The following LMX1B variants were observed in gnomAD, a reference collection of about 807,000 sequenced individuals.
The protein encoded by LMX1B is LIM homeobox transcription factor 1-beta.
In LMX1B, 12 loss-of-function variants were observed where a neutral mutation model predicts 51.4. The observed-to-expected ratio is 0.23, with a 90% CI of 0.15 to 0.38. The LOEUF (loss-of-function observed/expected upper bound fraction) is 0.38. LMX1B is among the 10% of genes least tolerant of loss of function. The probability of loss-of-function intolerance (pLI) is 1.00; values close to 1 mark genes in which losing one functional copy is unlikely to be tolerated. For missense variants in LMX1B, 445 were observed against 571.1 expected, an observed-to-expected ratio of 0.78 and a Z score of 2.25; for synonymous variants, 237 against 235.4, an observed-to-expected ratio of 1.01 and a Z score of -0.06.
At chr9:126,686,279 CAAAA>C (rs5900718) in intron 2 of LMX1B, among the ~76,000 whole-genome samples, 15 of 93,880 alleles carry the variant, frequency 1.6e-4, no homozygotes, top group East Asian at 5.7e-4. Flanking sequence ...GACTCCATCT[CAAAA>C]AAAAAAAAAA....
At chr9:126,630,652 C>T (rs569894648) in intron 2 of LMX1B, among the ~76,000 whole-genome samples, 1 of 152,350 alleles carries the variant, frequency 6.6e-6, no homozygotes, top group African/African-American at 2.4e-5. Flanking sequence ...TCATCATCTT[C>T]GTCCTCAGTG....
rs530967362 is a variant in LMX1B, at chr9:126,690,508, C to G, written c.327-328C>G. Among the ~76,000 whole-genome samples, 4 of 152,346 alleles carry G rather than the reference C, an allele frequency of 2.6e-5. No homozygotes were observed. The East Asian group carries it at 5.8e-4, about 22-fold the overall frequency. ...GGATCCTTTCCAGCCAGGGGCTGAC[C>G]TGGCCCCCAAGGAAAGTTTGAGTGG... On this transcript the variant is annotated intron_variant, in intron 2 of 7. Coordinates refer to ENST00000373474, the MANE Select transcript of LMX1B (RefSeq NM_001174147.2).
chr9:126,640,439 C>G (rs984225034), intron 2 of LMX1B, among the ~76,000 whole-genome samples: 2 of 152,206 alleles, frequency 1.3e-5, no homozygotes, highest in Non-Finnish European at 1.5e-5. Flanking sequence ...GTTTTTGTGA[C>G]CTGTATCTGA....
chr9:126,691,784 G>A (rs1395145978), intron 3 of LMX1B, among the ~76,000 whole-genome samples: 1 of 152,172 alleles, frequency 6.6e-6, no homozygotes, highest in African/African-American at 2.4e-5. Context: ...AAACAGCCTC[G>A]AGCCAGCCTC....
At chr9:126,661,615 G>A (rs577937579) in intron 2 of LMX1B, among the ~76,000 whole-genome samples, 1 of 152,174 alleles carries the variant, frequency 6.6e-6, no homozygotes, top group East Asian at 1.9e-4. Context: ...CCCCAGCTCA[G>A]CTGGGCCACC....
intron 3 of LMX1B, 92 bp downstream of exon 3, chr9:126,691,160 G>A (rs2118987633): frequency 1.1e-6 from 1 of 923,484 alleles, no homozygotes; most frequent in African/African-American, 1.6e-5. Context: ...GCCACCTCCT[G>A]CTTCCAGGAC....
chr9:126,645,760 G>A lies in LMX1B; in HGVS notation c.326+30191G>A, dbSNP rs528166447. Among the ~76,000 whole-genome samples the A allele has an allele frequency of 7.9e-5, 12 of 152,260 alleles. No individual in the cohort carries two copies. The South Asian group carries it at 1.7e-3, about 21-fold the overall frequency. On this transcript the variant is annotated intron_variant, in intron 2 of 7. Transcript: ENST00000373474. ...TAGCGAGGAAGTGGGCTTTGTCCTC[G>A]GAATTCATGGATTCCATGTTTAAGA...
At chr9:126,680,269 G>C (rs1836649480) in intron 2 of LMX1B, among the ~76,000 whole-genome samples, 1 of 152,224 alleles carries the variant, frequency 6.6e-6, no homozygotes, top group African/African-American at 2.4e-5. Context: ...TCAAGAACAG[G>C]GAGGTCCAGG....
At position 126,614,112 on chromosome 9, in the gene LMX1B, A is replaced by G. The variant is rs1227537001; in HGVS notation, c.-338A>G. Among the ~76,000 whole-genome samples, 6 of 94,090 alleles carry G rather than the reference A, an allele frequency of 6.4e-5. No individual in the cohort carries two copies. Among genetic ancestry groups the G allele is most frequent in the Non-Finnish European group, 8.3e-5 (4 of 48,276 alleles). The allele number at this position is 94,090 out of a possible 152,430, so 61.7% of individuals were successfully genotyped here. On this transcript the variant is annotated 5_prime_UTR_variant, in exon 1 of 8. Coordinates refer to ENST00000373474, the MANE Select transcript of LMX1B (RefSeq NM_001174147.2). Reference sequence around the variant, plus strand: ...CCCTCCCCCGCCTGCCGCCGCCGCCACCGCCACCGCCGCCGCCGCCTCCTC... The same window carrying G: ...CCCTCCCCCGCCTGCCGCCGCCGCCGCCGCCACCGCCGCCGCCGCCTCCTC...
chr9:126,646,951 TTAAAAGGAAAGAC>T (rs1267143803), intron 2 of LMX1B, among the ~76,000 whole-genome samples: 1 of 152,156 alleles, frequency 6.6e-6, no homozygotes, highest in Admixed American at 6.6e-5. Flanking sequence ...CAAGGGGTCG[TTAAAAGGAAAGAC>T]TAACACATTT....
At chr9:126,653,526 TAGAG>T (rs1164940828) in intron 2 of LMX1B, among the ~76,000 whole-genome samples, 3 of 152,142 alleles carry the variant, frequency 2.0e-5, no homozygotes, top group African/African-American at 4.8e-5. Context: ...TTGCAAAAAA[TAGAG>T]AGGTCCCTGT....
chr9:126,686,740 G>C (rs1418394740), intron 2 of LMX1B, among the ~76,000 whole-genome samples: 1 of 152,214 alleles, frequency 6.6e-6, no homozygotes, highest in African/African-American at 2.4e-5. Context: ...GGAGTATCTG[G>C]TGATGCTGCC....
chr9:126,666,875 G>A (rs578152997), intron 2 of LMX1B, among the ~76,000 whole-genome samples: 2 of 152,320 alleles, frequency 1.3e-5, no homozygotes, highest in South Asian at 2.1e-4. Flanking sequence ...AGGCCTGGGC[G>A]AAGGGTTCGA....
At chr9:126,682,666 G>A (rs1836697032) in intron 2 of LMX1B, among the ~76,000 whole-genome samples, 1 of 152,138 alleles carries the variant, frequency 6.6e-6, no homozygotes, top group Non-Finnish European at 1.5e-5. Context: ...AGAGCCCTAG[G>A]TGGGGGGATC....
At chr9:126,681,132 G>T (rs1184336476) in intron 2 of LMX1B, among the ~76,000 whole-genome samples, 1 of 152,172 alleles carries the variant, frequency 6.6e-6, no homozygotes, top group Middle Eastern at 3.2e-3. Flanking sequence ...CATGGACACG[G>T]CTGCTCACCC....
rs1051971512 is a variant in LMX1B, at chr9:126,699,132, C to G, written c.*2681C>G. ...GCCCTATCCCCCAGGAGACCTGGCC[C>G]TTCTCTCTCAGACCCAATAAGTTGG... is the stretch of plus-strand genomic sequence containing the variant. On this transcript the variant is annotated 3_prime_UTR_variant, in exon 8 of 8. Transcript: ENST00000373474. The G allele has an allele frequency of 3.3e-5, 5 of 152,272 alleles. No individual in the cohort carries two copies. The highest frequency in any genetic ancestry group is 1.2e-4 in the African/African-American group (5 of 41,472). The allele number at this position is 152,272 out of a possible 1,614,324, so 9.4% of individuals were successfully genotyped here.
At chr9:126,622,084 C>A (rs559714564) in intron 2 of LMX1B, among the ~76,000 whole-genome samples, 127 of 152,188 alleles carry the variant, frequency 8.3e-4, no homozygotes, top group African/African-American at 2.9e-3. Flanking sequence ...ACCTTGGGGC[C>A]CCAAAGGGAG....
intron 2 of LMX1B, among the ~76,000 whole-genome samples, chr9:126,679,635 C>A (rs1049806360): frequency 2.6e-5 from 4 of 152,012 alleles, no homozygotes; most frequent in African/African-American, 9.7e-5. Context: ...ACGACCTATC[C>A]TCCTTAGCAC....
Position 126,618,796 on chromosome 9 carries a change from G to A in LMX1B, c.326+3227G>A, listed in dbSNP as rs537933192. Among the ~76,000 whole-genome samples the A allele has an allele frequency of 6.6e-6, 1 of 152,212 alleles. No individual in the cohort carries two copies. Among genetic ancestry groups the A allele is most frequent in the African/African-American group, 2.4e-5 (1 of 41,434 alleles). Reference sequence around the variant, plus strand: ...GAATTCCTGGAGGAGGCTCCGGAAGGGGGGAGGGTCGGTGGGAGAGTCCAA... The same window carrying A: ...GAATTCCTGGAGGAGGCTCCGGAAGAGGGGAGGGTCGGTGGGAGAGTCCAA... On this transcript the variant is annotated intron_variant, in intron 2 of 7. Coordinates refer to ENST00000373474, the MANE Select transcript of LMX1B (RefSeq NM_001174147.2). This position sits in a 1 kb window ranked among gnomAD's most constrained non-coding sequence, Gnocchi z 4.5.
Sources: gnomAD v4.1 joint callset for allele counts (sites outside exome capture counted in the v4.1 genomes callset) on GRCh38, gnomAD v4.1.1 for gene constraint, Gnocchi (gnomAD v3.1) non-coding constraint, MANE v1.5 for transcripts, NCBI Gene and HGNC (gene_info 2026-07-23, HGNC 2026-07-21) for gene names.